XPNPEP1: variants seen among roughly 807,000 people sequenced by gnomAD.
The protein encoded by XPNPEP1 is xaa-Pro aminopeptidase 1.
A neutral mutation model predicts 92.4 loss-of-function variants in XPNPEP1; 39 were observed. The ratio of observed to expected loss-of-function variants is 0.42; its 90% CI spans 0.33 to 0.55. The LOEUF (loss-of-function observed/expected upper bound fraction) is 0.55, where lower values mean the gene tolerates loss of function less well. Ranked by LOEUF, XPNPEP1 falls within the 20% of genes least tolerant of loss-of-function variation. The pLI is 0.08. For synonymous variants in XPNPEP1, 307 were observed against 299.4 expected (o/e 1.03, Z -0.26); for missense variants, 654 against 856.1 (o/e 0.76, Z 2.95).
At chr10:109,918,858 G>GGGAAGGAA (rs869050041) in intron 1 of XPNPEP1, among the ~76,000 whole-genome samples, 8 of 87,284 alleles carry the variant, frequency 9.2e-5, no homozygotes, top group African/African-American at 3.0e-4. Flanking sequence ...GAAGGAAGGA[G>GGGAAGGAA]GGAAGGAAGG....
intron 10 of XPNPEP1, among the ~76,000 whole-genome samples, chr10:109,881,654 T>A (rs902485280): frequency 4.6e-5 from 7 of 152,200 alleles, no homozygotes; most frequent in African/African-American, 1.7e-4. Flanking sequence ...CTTCCCAGGA[T>A]GCCCCACTGC....
At chr10:109,875,504 C>T in intron 15 of XPNPEP1, 24 bp downstream of exon 15, 1 of 1,612,050 alleles carries the variant, frequency 6.2e-7, no homozygotes, top group Non-Finnish European at 8.5e-7. Context: ...TAGTCAAGTT[C>T]CACAGCAGTC....
At chr10:109,923,323 C>G in intron 1 of XPNPEP1, 79 bp downstream of exon 1, 2 of 1,345,108 alleles carry the variant, frequency 1.5e-6, no homozygotes, top group South Asian at 1.7e-5. Context: ...CGTCCCTGCC[C>G]GCCGAGGTGC....
intron 12 of XPNPEP1, chr10:109,878,322 C>T (rs1847893558): frequency 2.6e-6 from 1 of 379,748 alleles, no homozygotes; most frequent in Non-Finnish European, 4.7e-6. Flanking sequence ...AACAACATAT[C>T]TAAGTTTAAA....
intron 14 of XPNPEP1, chr10:109,877,560 T>A (rs1212741671): frequency 1.7e-6 from 1 of 571,526 alleles, no homozygotes; most frequent in Non-Finnish European, 3.1e-6. Context: ...CTGACTACCC[T>A]GCAGAGAATG....
chr10:109,895,635 G>A (rs1229995372), intron 3 of XPNPEP1, among the ~76,000 whole-genome samples: 2 of 152,220 alleles, frequency 1.3e-5, no homozygotes, highest in Non-Finnish European at 2.9e-5. Flanking sequence ...CCTTCTCCCA[G>A]GCATGAAGCT....
At position 109,893,088 on chromosome 10, in the gene XPNPEP1, G is replaced by C. The variant is rs771127496; in HGVS notation, c.247-13C>G. The C allele has an allele frequency of 1.9e-6, 3 of 1,612,914 alleles. No individual in the cohort carries two copies. The highest frequency in any genetic ancestry group is 8.5e-7 in the Non-Finnish European group (1 of 1,179,432). On this transcript the variant is annotated splice_polypyrimidine_tract_variant and intron_variant, in intron 3 of 20. Transcript: ENST00000502935. ...CAATATACTCACTCTGGAAAACAAA[G>C]ATGACAACAAAGTGGGCCTCGATCA...
At chr10:109,868,528 T>C in intron 20 of XPNPEP1, 86 bp downstream of exon 20, 1 of 1,175,082 alleles carries the variant, frequency 8.5e-7, no homozygotes, top group South Asian at 1.4e-5. Flanking sequence ...TTAGAGAATT[T>C]AGGATTTAGA....
chr10:109,874,208 C>T (rs58154613), intron 15 of XPNPEP1, among the ~76,000 whole-genome samples: 29,137 of 152,096 alleles, frequency 0.19, 3,196 homozygotes, highest in South Asian at 0.39. Context: ...CTGGGAGTGA[C>T]GTCAGCCCCT....
chr10:109,918,792 G>T (rs908492226), intron 1 of XPNPEP1, among the ~76,000 whole-genome samples: 1 of 147,840 alleles, frequency 6.8e-6, no homozygotes, highest in Non-Finnish European at 1.5e-5. Context: ...GGAAGGAGAG[G>T]AAGGAGAGGA....
chr10:109,886,810 CAG>C (rs1158806226), intron 7 of XPNPEP1, among the ~76,000 whole-genome samples: 1 of 152,200 alleles, frequency 6.6e-6, no homozygotes, highest in Non-Finnish European at 1.5e-5. Context: ...CACCCAGTCT[CAG>C]GGGTCAGGGG....
intron 3 of XPNPEP1, among the ~76,000 whole-genome samples, chr10:109,902,330 A>G (rs922865739): frequency 6.6e-6 from 1 of 152,270 alleles, no homozygotes; most frequent in Non-Finnish European, 1.5e-5. Context: ...GGTACATACC[A>G]CACTGTCACA....
intron 3 of XPNPEP1, among the ~76,000 whole-genome samples, chr10:109,898,088 G>A (rs1321669264): frequency 6.6e-6 from 1 of 152,212 alleles, no homozygotes; most frequent in Non-Finnish European, 1.5e-5. Flanking sequence ...CGAGGTGTAT[G>A]CTGCACTTAC....
chr10:109,876,412 C>T (rs752467013), intron 14 of XPNPEP1: 5 of 152,238 alleles, frequency 3.3e-5, no homozygotes, highest in South Asian at 4.1e-4. Context: ...TCCAGAACCC[C>T]GCCTCTAAAC....
chr10:109,872,962 C>T (rs1847570439), intron 16 of XPNPEP1, among the ~76,000 whole-genome samples: 1 of 152,168 alleles, frequency 6.6e-6, no homozygotes, highest in Non-Finnish European at 1.5e-5. Flanking sequence ...TCTGTCATTT[C>T]AGAAAGTTTC....
At chr10:109,923,345 C>A in intron 1 of XPNPEP1, 57 bp downstream of exon 1, 1 of 1,393,586 alleles carries the variant, frequency 7.2e-7, no homozygotes, top group Non-Finnish European at 9.3e-7. Context: ...ACACGCGCGG[C>A]CGCGCAGCGA....
intron 2 of XPNPEP1, among the ~76,000 whole-genome samples, chr10:109,913,052 G>A (rs1849966424): frequency 6.6e-6 from 1 of 152,206 alleles, no homozygotes; most frequent in Non-Finnish European, 1.5e-5. Context: ...CAGCAAAGTA[G>A]GAAGCCAAGA....
In XPNPEP1 at chr10:109,871,819, C is replaced by T. The variant is rs772544859; in HGVS notation, c.1495G>A (p.Ala499Thr). Reference protein sequence around the residue: ...YVLKGHIAVSAAVFPTGTKGH... With the variant: ...YVLKGHIAVSTAVFPTGTKGH... ...TTGGTTCCAGTCGGGAAAACGGCTG[C>T]ACTCACAGCTATGTGGCCCTTGAGG... The change falls in exon 17 of 21, where the codon GCA becomes ACA. Residue 499 changes from alanine to threonine, a missense_variant. Ala to Thr is a moderately conservative substitution (Grantham distance 58, BLOSUM62 0). Coordinates refer to ENST00000502935, the MANE Select transcript of XPNPEP1 (RefSeq NM_020383.4). 24 of 1,614,034 alleles carry T rather than the reference C, an allele frequency of 1.5e-5. No homozygotes were observed. The highest frequency in any genetic ancestry group is 1.9e-5 in the Non-Finnish European group (23 of 1,180,030).
chr10:109,882,018 C>T (rs1479678217), intron 10 of XPNPEP1, among the ~76,000 whole-genome samples: 3 of 152,182 alleles, frequency 2.0e-5, no homozygotes, highest in Non-Finnish European at 4.4e-5. Context: ...ACAGCTTTTA[C>T]CCTAGCTTCT....
Sources: allele counts gnomAD v4.1 joint callset (sites outside exome capture counted in the v4.1 genomes callset), GRCh38; gene constraint gnomAD v4.1.1; transcripts MANE v1.5; gene names NCBI Gene and HGNC (gene_info 2026-07-23, HGNC 2026-07-21).